Variants in ESPL1 observed in about 807,000 individuals in gnomAD.
ESPL1 encodes the protein separin.
ESPL1 carries 50 observed loss-of-function variants against 217.2 expected under a neutral mutation model. The ratio of observed to expected loss-of-function variants is 0.23; its 90% CI spans 0.18 to 0.29. The LOEUF (loss-of-function observed/expected upper bound fraction) is 0.29, where lower values mean the gene tolerates loss of function less well. Among genes scored for constraint, ESPL1 ranks in the 10% least tolerant of loss-of-function variants. ESPL1 has a pLI of 1.00. For missense variants in ESPL1, 1,834 were observed against 2,603.0 expected (o/e 0.70, Z 6.43); for synonymous variants, 994 against 1,081.3 (o/e 0.92, Z 1.58).
chr12:53,278,587 T>C (rs17119971), intron 11 of ESPL1, among the ~76,000 whole-genome samples: 2,241 of 151,718 alleles, frequency 0.015, 28 homozygotes, highest in South Asian at 0.054. Context: ...TACATTCTTA[T>C]GTGTGCCTTC....
intron 19 of ESPL1, 23 bp from the exon 20 acceptor site, chr12:53,288,514 GA>G: frequency 6.3e-7 from 1 of 1,595,838 alleles, no homozygotes; most frequent in Non-Finnish European, 8.5e-7. Context: ...GGAGCACTGT[GA>G]AAAAGGCCTG....
intron 11 of ESPL1, among the ~76,000 whole-genome samples, chr12:53,279,008 C>T (rs1307286263): frequency 6.6e-6 from 1 of 152,220 alleles, no homozygotes; most frequent in Admixed American, 6.5e-5. Context: ...CTGGCTCACT[C>T]AGCCTCCTGA....
chr12:53,278,018 C>G, intron 11 of ESPL1, 58 bp downstream of exon 11: 2 of 1,548,004 alleles, frequency 1.3e-6, no homozygotes, highest in Non-Finnish European at 1.8e-6. Context: ...CCAGAAACAG[C>G]TCCCTCGCCT....
chr12:53,288,697 C>T lies in ESPL1; in HGVS notation c.4706C>T (p.Thr1569Ile), dbSNP rs1167376307. 2 of 1,610,138 alleles carry T rather than the reference C, an allele frequency of 1.2e-6. No individual in the cohort carries two copies. The highest frequency in any genetic ancestry group is 1.7e-5 in the Admixed American group (1 of 59,160). ...CGGCTCCCCTCAGCCCCCGTAGCCACTGGTGAATATGCGACCCCTGATGTT... is the reference window on the plus strand; with the variant it reads ...CGGCTCCCCTCAGCCCCCGTAGCCATTGGTGAATATGCGACCCCTGATGTT... Reference protein sequence around the residue: ...RLRLPSAPVATGLSTLDSICD... With the variant: ...RLRLPSAPVAIGLSTLDSICD... Residue 1569 changes from threonine to isoleucine, a missense_variant and splice_region_variant, in exon 20 of 31, where the codon ACT becomes ATT. Physicochemically the swap from Thr to Ile is moderately conservative, Grantham distance 89 (BLOSUM62 -1). This residue lies in a region of ESPL1 where 681 missense variants were observed against 808.0 expected (regional missense o/e 0.84). Coordinates refer to ENST00000257934, the MANE Select transcript of ESPL1 (RefSeq NM_012291.5).
At chr12:53,270,875 G>T in intron 5 of ESPL1, 77 bp downstream of exon 5, 3 of 1,543,024 alleles carry the variant, frequency 1.9e-6, no homozygotes, top group South Asian at 1.2e-5. Flanking sequence ...TACTTGCTGC[G>T]TGGTTCTGAC....
chr12:53,290,544 G>T (rs998012829), intron 24 of ESPL1, 75 bp downstream of exon 24: 3 of 1,548,878 alleles, frequency 1.9e-6, no homozygotes, highest in Non-Finnish European at 2.7e-6. Context: ...TCTACCAGAC[G>T]GCCTGGGTCA....
chr12:53,275,961 T>C (rs1039336700), intron 7 of ESPL1, among the ~76,000 whole-genome samples: 1 of 152,178 alleles, frequency 6.6e-6, no homozygotes, highest in Non-Finnish European at 1.5e-5. Flanking sequence ...GAAGAAGTGA[T>C]AGATGAGACC....
chr12:53,291,882 G>T (rs745813465), intron 26 of ESPL1, 22 bp downstream of exon 26: 1 of 1,586,382 alleles, frequency 6.3e-7, no homozygotes. Flanking sequence ...GGGCAGAGGG[G>T]CAGTGTCTAG....
intron 22 of ESPL1, 38 bp from the exon 23 acceptor site, chr12:53,290,047 T>C (rs1057351430): frequency 6.3e-7 from 1 of 1,599,154 alleles, no homozygotes; most frequent in Admixed American, 1.7e-5. Context: ...GGAATTCCTT[T>C]AACAGCTGAA....
intron 6 of ESPL1, 48 bp from the exon 7 acceptor site, chr12:53,274,769 C>A: frequency 6.8e-7 from 1 of 1,480,254 alleles, no homozygotes; most frequent in Non-Finnish European, 9.4e-7. Flanking sequence ...CCACCATACA[C>A]ACTCACTGGT....
intron 3 of ESPL1, 83 bp from the exon 4 acceptor site, chr12:53,270,295 C>G: frequency 9.2e-7 from 1 of 1,085,960 alleles, no homozygotes; most frequent in East Asian, 2.4e-5. Context: ...GCTCTGTCAG[C>G]TCTCCAGGAC....
rs148389327 is a variant in ESPL1, at chr12:53,288,203, C to T, written c.4408C>T (p.Arg1470Cys). 38 of 1,610,778 alleles carry T rather than the reference C, an allele frequency of 2.4e-5. No individual in the cohort carries two copies. Among genetic ancestry groups the T allele is most frequent in the Admixed American group, 3.4e-5 (2 of 59,254 alleles). ...GGCATCAAGACATTGTGAGGAGCGGCGTCCCCAGAGGGCCAGTGACCAGGC... is the reference window on the plus strand; with the variant it reads ...GGCATCAAGACATTGTGAGGAGCGGTGTCCCCAGAGGGCCAGTGACCAGGC... The part of the protein sequence containing the change: ...KVASRHCEER[R>C]PQRASDQARP... Residue 1470 changes from arginine (R) to cysteine (C), a missense_variant, in exon 19 of 31, where the codon CGT becomes TGT. Physicochemically the swap from Arg to Cys is radical, Grantham distance 180. Around this residue, in one of 5 missense-constraint regions of ESPL1, gnomAD observed 681 missense variants for 808.0 expected, o/e 0.84. Coordinates refer to ENST00000257934, the MANE Select transcript of ESPL1 (RefSeq NM_012291.5).
intron 7 of ESPL1, 49 bp from the exon 8 acceptor site, chr12:53,276,571 C>T: frequency 6.5e-7 from 1 of 1,529,870 alleles, no homozygotes; most frequent in Non-Finnish European, 8.8e-7. Flanking sequence ...GTAGCAGAGG[C>T]TTTATGCCTC....
At chr12:53,268,724 A>T in intron 1 of ESPL1, 31 bp from the exon 2 acceptor site, 1 of 1,356,016 alleles carries the variant, frequency 7.4e-7, no homozygotes. Flanking sequence ...CTTCATTAAC[A>T]ATCTTCTCTA....
rs745360465 is a variant in ESPL1 at position 53,270,663 on chromosome 12, T to G, written c.1249-15T>G. On this transcript the variant is annotated splice_polypyrimidine_tract_variant and intron_variant, in intron 4 of 30. Transcript: ENST00000257934. ...AGCATGACTCCTCACTCTCAAACCC[T>G]TCTTGTCCCTTCAGATAGTTGATTT... 2 of 1,614,122 alleles carry G rather than the reference T, an allele frequency of 1.2e-6. No individual in the cohort carries two copies. The highest frequency in any genetic ancestry group is 1.7e-6 in the Non-Finnish European group (2 of 1,180,002).
Position 53,269,380 on chromosome 12 carries a change from C to G in ESPL1, c.438C>G (p.Gly146=), listed in dbSNP as rs369839546. 3.7e-6 allele frequency: 6 copies of G among 1,613,892 alleles called. 1 individual carries two copies. Among genetic ancestry groups the G allele is most frequent in the Non-Finnish European group, 5.1e-6 (6 of 1,180,034 alleles). The change falls in exon 3 of 31, where the codon GGC becomes GGG. Residue 146 remains glycine (G), a synonymous_variant. Transcript: ENST00000257934. This position sits in a 1 kb window ranked among gnomAD's most constrained non-coding sequence, Gnocchi z 6.7. The part of the protein sequence containing the change: ...APQDYEAVAR[G]SFSLLWKGAE... ...AGGACTATGAGGCCGTGGCTCGGGG[C>G]AGCTTTTCTCTGCTTTGGAAGGGGG...
intron 3 of ESPL1, 111 bp from the exon 4 acceptor site, chr12:53,270,267 C>T: frequency 1.0e-6 from 1 of 972,508 alleles, no homozygotes; most frequent in Admixed American, 1.8e-5. Flanking sequence ...TCTGGATGTC[C>T]TTCCTCGTGC....
At chr12:53,278,903 G>A (rs952621231) in intron 11 of ESPL1, among the ~76,000 whole-genome samples, 1 of 144,684 alleles carries the variant, frequency 6.9e-6, no homozygotes, top group Non-Finnish European at 1.5e-5. Flanking sequence ...CCGCCCCCCC[G>A]CCGAGATAGA....
In ESPL1 at chr12:53,284,157, G is replaced by A. The variant is rs896942260; in HGVS notation, c.3177G>A (p.Glu1059=). The stretch of plus-strand genomic sequence containing the variant: ...TGCAGCAGGTTCTGTTCTTGCTTGA[G>A]TCTTGCACAGGTGAGCAGCCATGTC... The part of the protein sequence containing the change: ...SDLQQVLFLL[E]SCTEFGGVTQ... Residue 1059 remains glutamate, a synonymous_variant, in exon 17 of 31, where the codon GAG becomes GAA. Coordinates refer to ENST00000257934, the MANE Select transcript of ESPL1 (RefSeq NM_012291.5). The A allele has an allele frequency of 6.2e-7, 1 of 1,607,602 alleles. No homozygotes were observed. Among genetic ancestry groups the A allele is most frequent in the Non-Finnish European group, 8.5e-7 (1 of 1,174,028 alleles).
Sources: allele counts gnomAD v4.1 joint callset (sites outside exome capture counted in the v4.1 genomes callset), GRCh38; gene constraint gnomAD v4.1.1; regional missense constraint gnomAD v4.1.1; non-coding constraint Gnocchi (gnomAD v3.1); transcripts MANE v1.5; gene names NCBI Gene and HGNC (gene_info 2026-07-23, HGNC 2026-07-21).